SORCS2: variants seen among roughly 807,000 people sequenced by gnomAD.
The protein encoded by SORCS2 is sortilin related VPS10 domain containing receptor 2, also known as VPS10 domain-containing receptor SorCS2.
SORCS2 carries 100 observed loss-of-function variants against 141.6 expected under a neutral mutation model. The ratio of observed to expected loss-of-function variants is 0.71; its 90% confidence interval spans 0.60 to 0.83. The LOEUF (loss-of-function observed/expected upper bound fraction) is 0.83, where lower values mean the gene tolerates loss of function less well. SORCS2 is among the 40% of genes least tolerant of loss of function. The pLI is 0.00. For missense variants in SORCS2, 1,646 were observed against 1,560.2 expected (o/e 1.05, Z -0.93); for synonymous variants, 789 against 676.9 (o/e 1.17, Z -2.57).
chr4:7,305,737 G>A (rs1232693313), intron 1 of SORCS2, among the ~76,000 whole-genome samples: 1 of 152,218 alleles, frequency 6.6e-6, no homozygotes, highest in African/African-American at 2.4e-5. Flanking sequence ...GATGCCGCTT[G>A]GTGGAAGTGG....
intron 1 of SORCS2, among the ~76,000 whole-genome samples, chr4:7,356,702 C>T (rs1396238622): frequency 6.6e-6 from 1 of 152,244 alleles, no homozygotes; most frequent in Non-Finnish European, 1.5e-5. Context: ...AGCAGCCCCT[C>T]TCTGTGCTGT....
intron 1 of SORCS2, chr4:7,382,119 TG>T: frequency 2.5e-6 from 1 of 405,682 alleles, no homozygotes; most frequent in Non-Finnish European, 3.3e-6. Context: ...GTGGTGCTGC[TG>T]GTGGAGCGGG....
chr4:7,640,126 C>T (rs530909269), intron 4 of SORCS2, among the ~76,000 whole-genome samples: 2 of 149,296 alleles, frequency 1.3e-5, no homozygotes, highest in East Asian at 2.0e-4. Context: ...GCTATGTTAG[C>T]GAGTGTGAGT....
intron 1 of SORCS2, among the ~76,000 whole-genome samples, chr4:7,254,339 T>TA (rs2108810227): frequency 6.6e-6 from 1 of 152,306 alleles, no homozygotes; most frequent in Admixed American, 6.5e-5. Context: ...TATTCTGCCA[T>TA]AAAAAAGTAT....
Position 7,718,106 on chromosome 4 carries a change from C to T in SORCS2, c.2347C>T (p.Leu783=). ...GTGCCCCCTCACGCCGCCCCGGGGC[C>T]TGCAGGTCAGCATTCAAGGCGAGGC... is the stretch of plus-strand genomic sequence containing the variant. ...LQCPLTPPRG[L]QVSIQGEAVA... is the part of the protein sequence containing the mutation. The change falls in exon 18 of 27, where the codon CTG becomes TTG. Residue 783 remains leucine (L), a synonymous_variant. Coordinates refer to ENST00000507866, the MANE Select transcript of SORCS2 (RefSeq NM_020777.3). 6.2e-7 allele frequency: 1 copy of T among 1,612,070 alleles called. No homozygotes were observed. The highest frequency in any genetic ancestry group is 8.5e-7 in the Non-Finnish European group (1 of 1,179,248).
intron 10 of SORCS2, among the ~76,000 whole-genome samples, chr4:7,685,076 T>G (rs1246918131): frequency 2.0e-5 from 3 of 152,218 alleles, no homozygotes; most frequent in African/African-American, 7.2e-5. Context: ...TTACCAGCCC[T>G]TTGTAAAAAC....
Position 7,734,368 on chromosome 4 carries a change from T to G in SORCS2, c.3305T>G (p.Phe1102Cys), listed in dbSNP as rs1277147223. Residue 1102 changes from phenylalanine (F) to cysteine (C), a missense_variant, in exon 25 of 27, where the codon TTC becomes TGC. Physicochemically the swap from Phe to Cys is radical, Grantham distance 205. Transcript: ENST00000507866. The stretch of plus-strand genomic sequence containing the variant: ...GCGGGAGCCTTCATCCTCTACAAGT[T>G]CAAAAGGCAAGGCCCTTGGCTGCCC... The part of the protein sequence containing the change: ...FAAGAFILYK[F>C]KRKRPGRTVY... The G allele has an allele frequency of 6.4e-7, 1 of 1,550,510 alleles. No individual in the cohort carries two copies. The highest frequency in any genetic ancestry group is 8.7e-7 in the Non-Finnish European group (1 of 1,146,748).
intron 2 of SORCS2, 25 bp downstream of exon 2, chr4:7,396,380 T>A: frequency 6.2e-7 from 1 of 1,612,364 alleles, no homozygotes; most frequent in Non-Finnish European, 8.5e-7. Context: ...TGGCAGGCCT[T>A]TCTCTTATGC....
At chr4:7,556,783 C>G (rs1714149075) in intron 3 of SORCS2, among the ~76,000 whole-genome samples, 1 of 150,722 alleles carries the variant, frequency 6.6e-6, no homozygotes, top group Non-Finnish European at 1.5e-5. Flanking sequence ...CACCTACCCA[C>G]CCACACATCC....
intron 11 of SORCS2, among the ~76,000 whole-genome samples, chr4:7,690,321 A>G (rs1724152087): frequency 1.2e-4 from 2 of 17,096 alleles, no homozygotes; most frequent in Admixed American, 1.8e-3. Flanking sequence ...GGTGGTGGAT[A>G]GGTGGACGGG....
intron 3 of SORCS2, among the ~76,000 whole-genome samples, chr4:7,628,391 C>T (rs1445811039): frequency 6.6e-6 from 1 of 152,042 alleles, no homozygotes; most frequent in East Asian, 1.9e-4. Context: ...TGGTGGCGGG[C>T]GCCTGTAGTC....
At chr4:7,512,820 T>C (rs1732746132) in intron 2 of SORCS2, among the ~76,000 whole-genome samples, 2 of 152,210 alleles carry the variant, frequency 1.3e-5, no homozygotes, top group South Asian at 2.1e-4. Flanking sequence ...ATGGGCCCCT[T>C]CATCTCTGTA....
intron 3 of SORCS2, among the ~76,000 whole-genome samples, chr4:7,615,684 T>G (rs953937677): frequency 6.6e-6 from 1 of 152,214 alleles, no homozygotes; most frequent in Non-Finnish European, 1.5e-5. Flanking sequence ...CAGTGATACT[T>G]CCAGGAAACT....
Position 7,740,606 on chromosome 4 carries a change from C to T in SORCS2, c.*342C>T. On this transcript the variant is annotated 3_prime_UTR_variant, in exon 27 of 27. Coordinates refer to ENST00000507866, the MANE Select transcript of SORCS2 (RefSeq NM_020777.3). ...GGGCTGAGGCTGGTCGTCCTGGAGC[C>T]CTCCCAGTACCTCGGGCTGCAAGAG... The T allele has an allele frequency of 2.7e-6, 1 of 368,684 alleles. No homozygotes were observed. Among genetic ancestry groups the T allele is most frequent in the East Asian group, 4.4e-5 (1 of 22,624 alleles). The allele number at this position is 368,684 out of a possible 1,614,324, so 22.8% of individuals were successfully genotyped here.
intron 23 of SORCS2, among the ~76,000 whole-genome samples, chr4:7,731,542 C>T (rs1246332291): frequency 6.6e-6 from 1 of 152,146 alleles, no homozygotes; most frequent in South Asian, 2.1e-4. Flanking sequence ...AAGCTGGAAG[C>T]GTCACACTCC....
chr4:7,341,962 G>T (rs966838247), intron 1 of SORCS2, among the ~76,000 whole-genome samples: 1 of 152,150 alleles, frequency 6.6e-6, no homozygotes, highest in African/African-American at 2.4e-5. Flanking sequence ...GTGGTCTTTT[G>T]CTTCTGCCTT....
At chr4:7,677,368 G>C (rs1216282717) in intron 9 of SORCS2, among the ~76,000 whole-genome samples, 2 of 152,248 alleles carry the variant, frequency 1.3e-5, no homozygotes, top group Non-Finnish European at 2.9e-5. Flanking sequence ...GCCAGCGAGG[G>C]GGGCTACTTG....
chr4:7,543,720 C>G (rs1712937822), intron 3 of SORCS2, among the ~76,000 whole-genome samples: 1 of 14,080 alleles, frequency 7.1e-5, no homozygotes, highest in Non-Finnish European at 2.4e-4. Context: ...ACCCATCCAC[C>G]CATCCACCCA....
At chr4:7,281,802 G>A (rs545633447) in intron 1 of SORCS2, among the ~76,000 whole-genome samples, 4 of 152,132 alleles carry the variant, frequency 2.6e-5, no homozygotes, top group Admixed American at 6.5e-5. Context: ...AATCACAGCC[G>A]GGGCCTCTGA....
Sources: allele counts gnomAD v4.1 joint callset (sites outside exome capture counted in the v4.1 genomes callset), GRCh38; gene constraint gnomAD v4.1.1; transcripts MANE v1.5; gene names NCBI Gene and HGNC (gene_info 2026-07-23, HGNC 2026-07-21).